FAM177A1: variants seen among roughly 807,000 people sequenced by gnomAD.
The protein encoded by FAM177A1 is family with sequence similarity 177 member A1.
FAM177A1 carries 22 observed loss-of-function variants against 26.1 expected under a neutral mutation model. The observed-to-expected ratio is 0.84, with a 90% CI of 0.60 to 1.20. FAM177A1 has a LOEUF of 1.20. Ranked by LOEUF, FAM177A1 falls within the 50% of genes most tolerant of loss-of-function variation. The probability of loss-of-function intolerance (pLI) is 0.00; values close to 1 mark genes in which losing one functional copy is unlikely to be tolerated. For synonymous variants in FAM177A1, 95 were observed against 99.3 expected (o/e 0.96, Z 0.26); for missense variants, 296 against 291.1 (o/e 1.02, Z -0.12).
intron 2 of FAM177A1, among the ~76,000 whole-genome samples, chr14:35,053,992 C>CA (rs1225497297): frequency 3.3e-5 from 5 of 151,272 alleles, no homozygotes; most frequent in Admixed American, 6.6e-5. Flanking sequence ...GACTCTGTCT[C>CA]AAAAAAAAGA....
chr14:35,079,267 A>G (rs773547376), intron 4 of FAM177A1, among the ~76,000 whole-genome samples: 16 of 152,182 alleles, frequency 1.1e-4, no homozygotes, highest in Non-Finnish European at 2.2e-4. Flanking sequence ...GTGCTATGTG[A>G]GATGCCTTAT....
At chr14:35,045,621 T>C (rs995992336), upstream of FAM177A1, among the ~76,000 whole-genome samples, 4 of 152,212 alleles carry the variant, frequency 2.6e-5, no homozygotes, top group Admixed American at 1.3e-4. Flanking sequence ...AACAACAATA[T>C]ACCATTTACC....
intron 1 of FAM177A1, chr14:35,046,995 G>A (rs183998826): frequency 2.6e-5 from 27 of 1,044,344 alleles, no homozygotes; most frequent in East Asian, 8.1e-5. Context: ...CTTCTGGTGC[G>A]AGCGCCTGCC....
At chr14:35,080,967 A>C (rs1487640909) in intron 4 of FAM177A1, 55 bp from the exon 5 acceptor site, 4 of 1,506,026 alleles carry the variant, frequency 2.7e-6, no homozygotes. Flanking sequence ...ACAGCACTAT[A>C]TACCTTTTGG....
chr14:35,067,305 T>A (rs1243291435), intron 2 of FAM177A1, among the ~76,000 whole-genome samples: 1 of 152,222 alleles, frequency 6.6e-6, no homozygotes, highest in East Asian at 1.9e-4. Context: ...GTGCCTGGGT[T>A]ATTTCAGTAG....
intron 2 of FAM177A1, among the ~76,000 whole-genome samples, chr14:35,071,023 G>T (rs1334575938): frequency 1.3e-5 from 2 of 149,724 alleles, no homozygotes; most frequent in Non-Finnish European, 3.0e-5. Flanking sequence ...TTGAGACGGA[G>T]TCTTGCTCTG....
chr14:35,077,259 G>A (rs376190555), intron 3 of FAM177A1, 43 bp downstream of exon 3: 17 of 1,563,952 alleles, frequency 1.1e-5, no homozygotes, highest in East Asian at 2.2e-5. Flanking sequence ...GCTGTAACAT[G>A]CTTCAGCAAC....
chr14:35,076,550 C>A (rs1251799684), intron 2 of FAM177A1, among the ~76,000 whole-genome samples: 1 of 151,850 alleles, frequency 6.6e-6, no homozygotes, highest in East Asian at 1.9e-4. Context: ...ATGTAACAAA[C>A]CTGCATGTTG....
rs2044974080 is a variant in FAM177A1, at chr14:35,051,688, CAG to C, written c.166-1589_166-1588del. ...TCAGCCTCCCAAAGTGCTAGGATTA[CAG>C]GTATGAGCCACCACGGCTGGCCTGT... On this transcript the variant is annotated intron_variant, in intron 1 of 4. Coordinates refer to ENST00000280987, the MANE Select transcript of FAM177A1 (RefSeq NM_173607.5). Among the ~76,000 whole-genome samples, 4 of 152,168 alleles carry C rather than the reference CAG, an allele frequency of 2.6e-5. No homozygotes were observed. In the South Asian group the frequency reaches 8.3e-4, roughly 31 times the overall value.
chr14:35,059,037 G>T (rs377182140), intron 2 of FAM177A1, among the ~76,000 whole-genome samples: 1 of 151,780 alleles, frequency 6.6e-6, no homozygotes, highest in Non-Finnish European at 1.5e-5. Flanking sequence ...CCGGGTTCAC[G>T]CCATTCTCCT....
At chr14:35,047,005 C>G in intron 1 of FAM177A1, 1 of 1,038,160 alleles carries the variant, frequency 9.6e-7, no homozygotes, top group Non-Finnish European at 1.2e-6. Flanking sequence ...GAGCGCCTGC[C>G]TGGGCATCTG....
chr14:35,068,686 C>G (rs1367968536), intron 2 of FAM177A1, among the ~76,000 whole-genome samples: 1 of 152,198 alleles, frequency 6.6e-6, no homozygotes, highest in Non-Finnish European at 1.5e-5. Context: ...TTTACCCCTT[C>G]AGATATTGGG....
At chr14:35,052,604 G>C (rs1323058184) in intron 1 of FAM177A1, among the ~76,000 whole-genome samples, 1 of 152,004 alleles carries the variant, frequency 6.6e-6, no homozygotes, top group Non-Finnish European at 1.5e-5. Context: ...GATATATATA[G>C]TGTAAATATA....
intron 1 of FAM177A1, chr14:35,047,099 C>A (rs898116207): frequency 1.3e-6 from 1 of 767,652 alleles, no homozygotes; most frequent in Non-Finnish European, 1.6e-6. Context: ...GTGTTAGCCC[C>A]ATTTCACCGC....
At chr14:35,079,055 A>G in intron 4 of FAM177A1, 31 bp downstream of exon 4, 1 of 1,532,476 alleles carries the variant, frequency 6.5e-7, no homozygotes, top group Non-Finnish European at 8.7e-7. Flanking sequence ...TTCTTGATTC[A>G]GTTTGGTTTG....
At position 35,081,896 on chromosome 14, in the gene FAM177A1, T is replaced by G. The variant is rs1401105375; in HGVS notation, c.*668T>G. 1 of 152,210 alleles carries G rather than the reference T, an allele frequency of 6.6e-6. No individual in the cohort carries two copies. Among genetic ancestry groups the G allele is most frequent in the Non-Finnish European group, 1.5e-5 (1 of 68,064 alleles). The allele number at this position is 152,210 out of a possible 1,614,324, so 9.4% of individuals were successfully genotyped here. A position where few individuals can be genotyped will look rare whatever the true frequency, so the allele number is the denominator to read the frequency against. ...TTGAACATAATATTAAAACACTACT[T>G]ATAGAATAGATTTATTAATGTTAAT... On this transcript the variant is annotated 3_prime_UTR_variant, in exon 5 of 5. Transcript: ENST00000280987.
At chr14:35,076,673 C>T (rs2045401528) in intron 2 of FAM177A1, among the ~76,000 whole-genome samples, 1 of 152,090 alleles carries the variant, frequency 6.6e-6, no homozygotes, top group African/African-American at 2.4e-5. Context: ...CCATTAAAAG[C>T]TCATTTGATG....
chr14:35,063,467 G>A (rs1450512697), intron 2 of FAM177A1, among the ~76,000 whole-genome samples: 3 of 151,390 alleles, frequency 2.0e-5, no homozygotes, highest in Admixed American at 6.6e-5. Context: ...AATCCCAGCC[G>A]CTTGGGAGGC....
rs149886242 is a variant in FAM177A1, at chr14:35,052,451, C to A, written c.166-827C>A. Among the ~76,000 whole-genome samples, 692 of 151,884 alleles carry A rather than the reference C, an allele frequency of 4.6e-3. 6 individuals are homozygous for A. The highest frequency in any genetic ancestry group is 0.016 in the African/African-American group (653 of 41,434). On this transcript the variant is annotated intron_variant, in intron 1 of 4. Transcript: ENST00000280987. ...GTCTCGATCTCCTGACCTTGTGATC[C>A]GCCTGCCTCGGCCTCCCAAAATGCT...
Sources: gnomAD v4.1 joint callset for allele counts (sites outside exome capture counted in the v4.1 genomes callset) on GRCh38, gnomAD v4.1.1 for gene constraint, MANE v1.5 for transcripts, NCBI Gene and HGNC (gene_info 2026-07-23, HGNC 2026-07-21) for gene names.